PCDHGA2: variants seen among roughly 807,000 people sequenced by gnomAD.
PCDHGA2 encodes protocadherin gamma subfamily A, 2.
A neutral mutation model predicts 59.2 loss-of-function variants in PCDHGA2; 40 were observed. The observed-to-expected ratio is 0.68, with a 90% CI of 0.52 to 0.88. The LOEUF is 0.88. PCDHGA2 is among the 40% of genes least tolerant of loss of function. The pLI is 0.00. For synonymous variants in PCDHGA2, 560 were observed against 526.0 expected, an observed-to-expected ratio of 1.06 and a Z score of -0.89; for missense variants, 1,226 against 1,204.0, an observed-to-expected ratio of 1.02 and a Z score of -0.27.
At chr5:141,488,139 T>C (rs906194527) in intron 1 of PCDHGA2, among the ~76,000 whole-genome samples, 2 of 152,084 alleles carry the variant, frequency 1.3e-5, no homozygotes, top group Non-Finnish European at 2.9e-5. Context: ...AGGAGAGAAC[T>C]AAAGGAATAG....
chr5:141,372,962 A>T, intron 1 of PCDHGA2: 2 of 706,258 alleles, frequency 2.8e-6, no homozygotes, highest in Non-Finnish European at 4.5e-6. Context: ...TCTTTGTAGA[A>T]TTTCCTGTAG....
chr5:141,476,023 G>T lies in PCDHGA2; in HGVS notation c.2425-18784G>T. On this transcript the variant is annotated intron_variant, in intron 1 of 3. Coordinates refer to ENST00000394576, the MANE Select transcript of PCDHGA2 (RefSeq NM_018915.4). The surrounding 1 kb of genome is among the most constrained non-coding windows in gnomAD (Gnocchi z 7.6). Reference sequence around the variant, plus strand: ...CATCCAGAAAGCCATGTCGGACTCGGCGCCCAGCGCCCAAGCGCTAACCCG... The same window carrying T: ...CATCCAGAAAGCCATGTCGGACTCGTCGCCCAGCGCCCAAGCGCTAACCCG... The T allele has an allele frequency of 7.1e-7, 1 of 1,415,690 alleles. No individual in the cohort carries two copies. Among genetic ancestry groups the T allele is most frequent in the Non-Finnish European group, 9.5e-7 (1 of 1,057,324 alleles). 87.7% of individuals were successfully genotyped at this position (1,415,690 alleles called of 1,614,324 possible).
At chr5:141,361,246 A>T in intron 1 of PCDHGA2, 1 of 1,613,980 alleles carries the variant, frequency 6.2e-7, no homozygotes, top group South Asian at 1.1e-5. Flanking sequence ...CTTGATAAAA[A>T]CGAGAGACAG....
rs768354664 is a variant in PCDHGA2 at position 141,485,690 on chromosome 5, A to C, written c.2425-9117A>C. On this transcript the variant is annotated intron_variant, in intron 1 of 3. Coordinates refer to ENST00000394576, the MANE Select transcript of PCDHGA2 (RefSeq NM_018915.4). This position sits in a 1 kb window ranked among gnomAD's most constrained non-coding sequence, Gnocchi z 5.7. ...CAATTCGATTAGCAGCTATAGGCTG[A>C]GCTCCAATGAACACTTTGCACTGGA... 1.6e-5 allele frequency: 26 copies of C among 1,614,106 alleles called. No individual in the cohort carries two copies. In the South Asian group the frequency reaches 2.7e-4, roughly 17 times the overall value.
chr5:141,490,106 T>C lies in PCDHGA2; in HGVS notation c.2425-4701T>C, dbSNP rs1314489019. On this transcript the variant is annotated intron_variant, in intron 1 of 3. Coordinates refer to ENST00000394576, the MANE Select transcript of PCDHGA2 (RefSeq NM_018915.4). The surrounding 1 kb of genome is among the most constrained non-coding windows in gnomAD (Gnocchi z 5.4). ...TTTGGAGACCACACATCTGAGGCAG[T>C]GCGGAACCTCTTTGGCCTAGACCCT... 2.5e-6 allele frequency: 4 copies of C among 1,614,246 alleles called. No homozygotes were observed. Among genetic ancestry groups the C allele is most frequent in the South Asian group, 1.1e-5 (1 of 91,086 alleles).
intron 1 of PCDHGA2, chr5:141,357,532 A>G (rs1473543318): frequency 3.1e-6 from 5 of 1,614,096 alleles, no homozygotes; most frequent in Non-Finnish European, 4.2e-6. Context: ...CTATGCAGAC[A>G]CGCTCATCAG....
chr5:141,468,899 T>C (rs1051519139), intron 1 of PCDHGA2, among the ~76,000 whole-genome samples: 2 of 151,550 alleles, frequency 1.3e-5, no homozygotes, highest in Non-Finnish European at 2.9e-5. Flanking sequence ...GGTACTAATA[T>C]GATCCAGACT....
rs1206206519 is a variant in PCDHGA2 at position 141,432,127 on chromosome 5, C to G, written c.2425-62680C>G. ...ACCCGCCGGTCTTCCCTCAGGCCTC[C>G]TATTCCGCTTATATCCCAGAGAACA... On this transcript the variant is annotated intron_variant, in intron 1 of 3. Coordinates refer to ENST00000394576, the MANE Select transcript of PCDHGA2 (RefSeq NM_018915.4). The surrounding 1 kb of genome is among the most constrained non-coding windows in gnomAD (Gnocchi z 6.0). The G allele has an allele frequency of 6.8e-6, 11 of 1,614,160 alleles. No homozygotes were observed. The highest frequency in any genetic ancestry group is 8.5e-6 in the Non-Finnish European group (10 of 1,180,032).
chr5:141,460,608 T>A (rs2098993153), intron 1 of PCDHGA2, among the ~76,000 whole-genome samples: 1 of 152,186 alleles, frequency 6.6e-6, no homozygotes, highest in Non-Finnish European at 1.5e-5. Context: ...CTGTGTTAGA[T>A]GGATAGATAG....
chr5:141,507,368 T>C (rs1446319165), intron 3 of PCDHGA2: 2 of 152,094 alleles, frequency 1.3e-5, no homozygotes, highest in Non-Finnish European at 2.9e-5. Context: ...GGGAGCCCTG[T>C]ACTTTTATTT....
intron 1 of PCDHGA2, chr5:141,413,874 T>C: frequency 6.2e-7 from 1 of 1,613,424 alleles, no homozygotes; most frequent in Non-Finnish European, 8.5e-7. Context: ...TCCTTGTCAG[T>C]GTGACTGTCT....
intron 1 of PCDHGA2, among the ~76,000 whole-genome samples, chr5:141,436,320 G>A (rs1158221950): frequency 6.6e-6 from 1 of 152,120 alleles, no homozygotes; most frequent in African/African-American, 2.4e-5. Flanking sequence ...AGTCAAGACT[G>A]TTAGACCATA....
At chr5:141,345,183 G>A (rs1561489350) in intron 1 of PCDHGA2, 1 of 1,614,026 alleles carries the variant, frequency 6.2e-7, no homozygotes, top group Non-Finnish European at 8.5e-7. Flanking sequence ...GCAGGTTGAA[G>A]TTTTTGTCCT....
rs1177814811 is a variant in PCDHGA2 at position 141,511,841 on chromosome 5, CTGTTT to C, written c.*675_*679del. The C allele has an allele frequency of 3.2e-5, 5 of 156,826 alleles. No homozygotes were observed. Among genetic ancestry groups the C allele is most frequent in the African/African-American group, 4.8e-5 (2 of 41,458 alleles). The allele number at this position is 156,826 out of a possible 1,614,324, so 9.7% of individuals were successfully genotyped here. ...TCCCAACGCCCTGGGGACCAGTCTT[CTGTTT>C]TGTTTTTCATTGTTTGACGTTTCCA... On this transcript the variant is annotated 3_prime_UTR_variant, in exon 4 of 4. Coordinates refer to ENST00000394576, the MANE Select transcript of PCDHGA2 (RefSeq NM_018915.4).
rs763974102 is a variant in PCDHGA2 at position 141,339,968 on chromosome 5, G to A, written c.997G>A (p.Val333Ile). The A allele has an allele frequency of 1.9e-6, 3 of 1,614,138 alleles. No homozygotes were observed. Among genetic ancestry groups the A allele is most frequent in the Non-Finnish European group, 2.5e-6 (3 of 1,179,994 alleles). The part of the protein sequence containing the change: ...DGPGLLTRAK[V>I]IVTVLDVNDN... ...TCCGGGCCTTCTAACCAGAGCGAAG[G>A]TTATCGTCACGGTTCTGGATGTGAA... The change falls in exon 1 of 4, where the codon GTT (valine) becomes ATT (isoleucine). Residue 333 changes from valine to isoleucine, a missense_variant. Physicochemically the swap from Val to Ile is conservative, Grantham distance 29 (BLOSUM62 3). Coordinates refer to ENST00000394576, the MANE Select transcript of PCDHGA2 (RefSeq NM_018915.4).
rs760095389 is a variant in PCDHGA2, at chr5:141,486,731, A to G, written c.2425-8076A>G. On this transcript the variant is annotated intron_variant, in intron 1 of 3. Transcript: ENST00000394576. The surrounding 1 kb of genome is among the most constrained non-coding windows in gnomAD (Gnocchi z 5.0). ...CCCCCAGACAGGAGCTGTTCATGCT[A>G]CTCGATCCTTTGACTATGAGCAAAC... The G allele has an allele frequency of 6.2e-7, 1 of 1,614,060 alleles. No individual in the cohort carries two copies. Among genetic ancestry groups the G allele is most frequent in the Non-Finnish European group, 8.5e-7 (1 of 1,180,012 alleles).
chr5:141,486,089 G>T lies in PCDHGA2; in HGVS notation c.2425-8718G>T, dbSNP rs2099624123. On this transcript the variant is annotated intron_variant, in intron 1 of 3. Coordinates refer to ENST00000394576, the MANE Select transcript of PCDHGA2 (RefSeq NM_018915.4). The surrounding 1 kb of genome is among the most constrained non-coding windows in gnomAD (Gnocchi z 5.0). ...CACTACTGGAAAGCTTACTCTTTTG[G>T]GGCCCCTAGACTTTGAGAGTGAGAA... is the stretch of plus-strand genomic sequence containing the variant. 1 of 1,614,084 alleles carries T rather than the reference G, an allele frequency of 6.2e-7. No individual in the cohort carries two copies. The highest frequency in any genetic ancestry group is 8.5e-7 in the Non-Finnish European group (1 of 1,180,014).
Position 141,431,581 on chromosome 5 carries a change from T to C in PCDHGA2, c.2425-63226T>C. The C allele has an allele frequency of 1.2e-6, 2 of 1,614,160 alleles. No individual in the cohort carries two copies. Among genetic ancestry groups the C allele is most frequent in the Non-Finnish European group, 1.7e-6 (2 of 1,180,022 alleles). ...CTACCGACCCTGACGAAGGAGTCAA[T>C]GCGGAAGTGAGGTATTCCTTCCGGT... On this transcript the variant is annotated intron_variant, in intron 1 of 3. Transcript: ENST00000394576. This position sits in a 1 kb window ranked among gnomAD's most constrained non-coding sequence, Gnocchi z 4.8.
intron 1 of PCDHGA2, chr5:141,471,515 T>C (rs931181988): frequency 2.6e-5 from 4 of 152,276 alleles, no homozygotes; most frequent in African/African-American, 9.6e-5. Context: ...GGAGTAAAAA[T>C]AACAGCGAGG....
Sources: gnomAD v4.1 joint callset for allele counts (sites outside exome capture counted in the v4.1 genomes callset) on GRCh38, gnomAD v4.1.1 for gene constraint, Gnocchi (gnomAD v3.1) non-coding constraint, MANE v1.5 for transcripts, NCBI Gene and HGNC (gene_info 2026-07-23, HGNC 2026-07-21) for gene names.